CCAR2: variants seen among roughly 807,000 people sequenced by gnomAD.
The protein encoded by CCAR2 is cell cycle and apoptosis regulator protein 2.
Under a neutral mutation model 108.1 loss-of-function variants are expected in CCAR2, and 21 were observed. The ratio of observed to expected loss-of-function variants is 0.19; its 90% CI spans 0.14 to 0.28. CCAR2 has a LOEUF of 0.28. CCAR2 is among the 10% of genes least tolerant of loss of function. CCAR2 has a pLI of 1.00. For synonymous variants in CCAR2, 577 were observed against 472.8 expected, an observed-to-expected ratio of 1.22 and a Z score of -2.86; for missense variants, 1,126 against 1,177.0, an observed-to-expected ratio of 0.96 and a Z score of 0.63.
chr8:22,608,488 C>T (rs1030893287), intron 7 of CCAR2, among the ~76,000 whole-genome samples: 3 of 152,220 alleles, frequency 2.0e-5, no homozygotes, highest in Non-Finnish European at 2.9e-5. Flanking sequence ...ACACCATACT[C>T]ATCAGTATGC....
chr8:22,614,540 G>C (rs1269852611), intron 10 of CCAR2, 37 bp downstream of exon 10: 6 of 1,546,026 alleles, frequency 3.9e-6, no homozygotes, highest in Admixed American at 1.7e-5. Flanking sequence ...GCATTCACGG[G>C]TAATGTGCAC....
chr8:22,617,942 G>GGA (rs978982097), intron 16 of CCAR2, among the ~76,000 whole-genome samples, 164 bp downstream of exon 16: 31 of 152,300 alleles, frequency 2.0e-4, no homozygotes, highest in African/African-American at 7.2e-4. Flanking sequence ...ATAGGCTCCA[G>GGA]GAGAACATTT....
intron 6 of CCAR2, among the ~76,000 whole-genome samples, chr8:22,607,720 G>T (rs913262799): frequency 6.6e-6 from 1 of 152,038 alleles, no homozygotes; most frequent in Non-Finnish European, 1.5e-5. Flanking sequence ...CGCCTCCTGG[G>T]TTCACACCAT....
intron 14 of CCAR2, among the ~76,000 whole-genome samples, chr8:22,616,865 G>GC (rs1801533532): frequency 1.2e-5 from 1 of 82,624 alleles, no homozygotes; most frequent in Non-Finnish European, 2.5e-5. Flanking sequence ...ATACTAGTCT[G>GC]CTTTTTTTTT....
Position 22,606,069 on chromosome 8 carries a change from T to C in CCAR2, c.59-16T>C. The C allele has an allele frequency of 1.9e-6, 3 of 1,608,990 alleles. No homozygotes were observed. Among genetic ancestry groups the C allele is most frequent in the Non-Finnish European group, 2.6e-6 (3 of 1,175,352 alleles). ...GGTAGGGGCGGTTCCTGGAGATTGC[T>C]TCTCTTTCCCCATAGGCACAGCTTC... On this transcript the variant is annotated splice_polypyrimidine_tract_variant and intron_variant, in intron 2 of 20. Transcript: ENST00000308511.
At chr8:22,605,392 A>C in intron 1 of CCAR2, 4 of 181,300 alleles carry the variant, frequency 2.2e-5, no homozygotes, top group Non-Finnish European at 3.5e-5. Context: ...TAGTGAGAGG[A>C]GCGCTAAGTT....
chr8:22,609,584 T>G lies in CCAR2; in HGVS notation c.584+1519T>G, dbSNP rs895584393. Among the ~76,000 whole-genome samples, 5 of 152,342 alleles carry G rather than the reference T, an allele frequency of 3.3e-5. No homozygotes were observed. The South Asian group carries it at 1.0e-3, about 32-fold the overall frequency. Reference sequence around the variant, plus strand: ...ATATAAATATATCCAGTCGCTGGTATATATTTTGTGTTTACCCACTCCTCT... The same window carrying G: ...ATATAAATATATCCAGTCGCTGGTAGATATTTTGTGTTTACCCACTCCTCT... On this transcript the variant is annotated intron_variant, in intron 7 of 20. Coordinates refer to ENST00000308511, the MANE Select transcript of CCAR2 (RefSeq NM_001393997.1).
Position 22,607,971 on chromosome 8 carries a change from C to G in CCAR2, c.490C>G (p.Leu164Val), listed in dbSNP as rs1198973218. 6.2e-7 allele frequency: 1 copy of G among 1,613,906 alleles called. No individual in the cohort carries two copies. The highest frequency in any genetic ancestry group is 8.5e-7 in the Non-Finnish European group (1 of 1,179,920). Residue 164 changes from leucine (L) to valine (V), a missense_variant and splice_region_variant, in exon 7 of 21, where the codon CTG becomes GTG. Leu to Val is a conservative substitution (Grantham distance 32). Around this residue, in one of 4 missense-constraint regions of CCAR2, gnomAD observed 1,013 missense variants for 993.9 expected, o/e 1.02. Coordinates refer to ENST00000308511, the MANE Select transcript of CCAR2 (RefSeq NM_001393997.1). Reference sequence around the variant, plus strand: ...CACCAGTCATTTCCTTTCTGCAGCTCTGAGTCTCTTCCAAACATCCCACAC... The same window carrying G: ...CACCAGTCATTTCCTTTCTGCAGCTGTGAGTCTCTTCCAAACATCCCACAC... ...RIPPLFPQKP[L>V]SLFQTSHTLH...
intron 8 of CCAR2, 177 bp from the exon 9 acceptor site, chr8:22,613,915 G>A: frequency 1.7e-6 from 1 of 592,356 alleles, no homozygotes; most frequent in South Asian, 2.2e-5. Flanking sequence ...TTTGACTTTT[G>A]CCATCTAGAG....
At position 22,612,880 on chromosome 8, in the gene CCAR2, T is replaced by C. The variant is rs555304020; in HGVS notation, c.585-137T>C. The C allele has an allele frequency of 1.1e-5, 10 of 908,284 alleles. No homozygotes were observed. In the East Asian group the frequency reaches 2.1e-4, roughly 19 times the overall value. 56.3% of individuals were successfully genotyped at this position (908,284 alleles called of 1,614,324 possible). On this transcript the variant is annotated intron_variant, in intron 7 of 20. Coordinates refer to ENST00000308511, the MANE Select transcript of CCAR2 (RefSeq NM_001393997.1). Reference sequence around the variant, plus strand: ...TTAATATCTTTATAACATTCTGTCATATGGCTGTTAGCATGGATTCTTTTT... The same window carrying C: ...TTAATATCTTTATAACATTCTGTCACATGGCTGTTAGCATGGATTCTTTTT...
rs1801569683 is a variant in CCAR2 at position 22,617,455 on chromosome 8, T to C, written c.1881T>C (p.Ser627=). Residue 627 remains serine, a synonymous_variant, in exon 15 of 21, where the codon TCT becomes TCC. Coordinates refer to ENST00000308511, the MANE Select transcript of CCAR2 (RefSeq NM_001393997.1). Reference sequence around the variant, plus strand: ...GGCTTTTGCCCAAACCACTCTCTTCTGGGGGAGAGGAAGAAGAAAAACCCC... The same window carrying C: ...GGCTTTTGCCCAAACCACTCTCTTCCGGGGGAGAGGAAGAAGAAAAACCCC... ...EDGLLPKPLS[S]GGEEEEKPRG... is the part of the protein sequence containing the mutation. 1.3e-6 allele frequency: 2 copies of C among 1,596,804 alleles called. No individual in the cohort carries two copies. Among genetic ancestry groups the C allele is most frequent in the Non-Finnish European group, 8.5e-7 (1 of 1,172,048 alleles).
In CCAR2 at chr8:22,614,506, A is replaced by G; in HGVS notation, c.1041+3A>G. 1 of 1,612,856 alleles carries G rather than the reference A, an allele frequency of 6.2e-7. No homozygotes were observed. The highest frequency in any genetic ancestry group is 1.7e-5 in the Admixed American group (1 of 60,030). ...AGCATCCTCTGAAGCAGATTAAGGT[A>G]AGAGCTGGAGAGCAGGAGGAGATGC... On this transcript the variant is annotated splice_donor_region_variant and intron_variant, in intron 10 of 20. Transcript: ENST00000308511.
Position 22,614,832 on chromosome 8 carries a change from T to C in CCAR2, c.1042-6T>C. 2 of 1,613,184 alleles carry C rather than the reference T, an allele frequency of 1.2e-6. No individual in the cohort carries two copies. The highest frequency in any genetic ancestry group is 2.7e-5 in the African/African-American group (2 of 74,712). On this transcript the variant is annotated splice_polypyrimidine_tract_variant and splice_region_variant and intron_variant, in intron 10 of 20. Coordinates refer to ENST00000308511, the MANE Select transcript of CCAR2 (RefSeq NM_001393997.1). ...TTTGTTTTGTATCCCTGATCTCTTC[T>C]TGCAGTTTTTGCTGGGCAGGAAAGA...
In CCAR2 at chr8:22,619,631, C is replaced by CAA. The variant is rs770425051; in HGVS notation, c.2728-5_2728-4dup. 5.1e-6 allele frequency: 8 copies of CAA among 1,568,928 alleles called. No homozygotes were observed. The highest frequency in any genetic ancestry group is 1.2e-5 in the South Asian group (1 of 85,442). ...CCGATTCTGGGTACATCATCTGTTT[C>CAA]AAACAGGCTGACAGCTGGGTGGAGA... On this transcript the variant is annotated splice_region_variant and splice_polypyrimidine_tract_variant and intron_variant, in intron 20 of 20. Coordinates refer to ENST00000308511, the MANE Select transcript of CCAR2 (RefSeq NM_001393997.1).
intron 20 of CCAR2, 26 bp from the exon 21 acceptor site, chr8:22,619,612 C>T (rs1348006699): frequency 2.0e-6 from 3 of 1,535,858 alleles, no homozygotes; most frequent in Non-Finnish European, 8.8e-7. Context: ...AGGCCCGATT[C>T]TGGGTACATC....
chr8:22,606,144 A>G lies in CCAR2; in HGVS notation c.118A>G (p.Thr40Ala), dbSNP rs148886727. 8 of 1,614,136 alleles carry G rather than the reference A, an allele frequency of 5.0e-6. No individual in the cohort carries two copies. Among genetic ancestry groups the G allele is most frequent in the Non-Finnish European group, 6.8e-6 (8 of 1,179,986 alleles). ...TGGTTTGCTCACTCCTCCTGTGGCC[A>G]CAGAACTGTCCCAGAATGCCAGGCA... is the stretch of plus-strand genomic sequence containing the variant. The part of the protein sequence containing the change: ...PPGLLTPPVA[T>A]ELSQNARHLQ... Residue 40 changes from threonine (T) to alanine (A), a missense_variant, in exon 3 of 21, where the codon ACA becomes GCA. Around this residue, in one of 4 missense-constraint regions of CCAR2, gnomAD observed 52 missense variants for 63.7 expected, o/e 0.82. Transcript: ENST00000308511.
chr8:22,616,866 C>CTTTTTTTTTTTTTT lies in CCAR2; in HGVS notation c.1846-537_1846-524dup, dbSNP rs36086286. Among the ~76,000 whole-genome samples the CTTTTTTTTTTTTTT allele has an allele frequency of 7.3e-5, 4 of 54,716 alleles. 2 individuals are homozygous for CTTTTTTTTTTTTTT. The highest frequency in any genetic ancestry group is 1.2e-4 in the African/African-American group (2 of 16,656). 35.9% of individuals were successfully genotyped at this position (54,716 alleles called of 152,430 possible). ...AAACCTTTTCTAAAATACTAGTCTG[C>CTTTTTTTTTTTTTT]TTTTTTTTTTTTTTTTTTTTTTTTT... On this transcript the variant is annotated intron_variant, in intron 14 of 20. Transcript: ENST00000308511.
In CCAR2 at chr8:22,614,406, C is replaced by T. The variant is rs201922969; in HGVS notation, c.944C>T (p.Ser315Phe). ...AYSSKVLLLS[S>F]PGLEELYRCC... Reference sequence around the variant, plus strand: ...CCTGCACAGGTACTGCTGCTCTCTTCCCCGGGGTTGGAGGAATTGTATCGT... The same window carrying T: ...CCTGCACAGGTACTGCTGCTCTCTTTCCCGGGGTTGGAGGAATTGTATCGT... Residue 315 changes from serine to phenylalanine, a missense_variant, in exon 10 of 21, where the codon TCC becomes TTC. Physicochemically the swap from Ser to Phe is radical, Grantham distance 155 (BLOSUM62 -2). This residue lies in a region of CCAR2 where 1,013 missense variants were observed against 993.9 expected (regional missense o/e 1.02). Coordinates refer to ENST00000308511, the MANE Select transcript of CCAR2 (RefSeq NM_001393997.1). 3.1e-6 allele frequency: 5 copies of T among 1,614,160 alleles called. No homozygotes were observed. In the East Asian group the frequency reaches 6.7e-5, roughly 22 times the overall value.
chr8:22,607,354 G>A, intron 6 of CCAR2, 29 bp downstream of exon 6: 3 of 1,604,896 alleles, frequency 1.9e-6, no homozygotes, highest in Non-Finnish European at 2.5e-6. Context: ...GTTGTTGGGT[G>A]TGGCATTATG....
Sources: gnomAD v4.1 joint callset for allele counts (sites outside exome capture counted in the v4.1 genomes callset) on GRCh38, gnomAD v4.1.1 for gene constraint, gnomAD v4.1.1 regional missense constraint, MANE v1.5 for transcripts, NCBI Gene and HGNC (gene_info 2026-07-23, HGNC 2026-07-21) for gene names.